LRP1B: variants seen among roughly 807,000 people sequenced by gnomAD.
LRP1B encodes the protein LDL receptor related protein 1B.
LRP1B carries 217 observed loss-of-function variants against 556.6 expected under a neutral mutation model. That is an observed-to-expected ratio of 0.39 (90% CI 0.35 to 0.44). The LOEUF (loss-of-function observed/expected upper bound fraction) is 0.44, where lower values mean the gene tolerates loss of function less well. Among genes scored for constraint, LRP1B ranks in the 20% least tolerant of loss-of-function variants. The pLI, the probability that LRP1B is intolerant of heterozygous loss-of-function variation, is 1.00. For synonymous variants in LRP1B, 2,047 were observed against 1,865.8 expected, an observed-to-expected ratio of 1.10 and a Z score of -2.50; for missense variants, 5,053 against 5,620.8, an observed-to-expected ratio of 0.90 and a Z score of 3.23.
At chr2:140,615,220 C>T (rs1683215308) in intron 41 of LRP1B, among the ~76,000 whole-genome samples, 1 of 152,020 alleles carries the variant, frequency 6.6e-6, no homozygotes, top group Non-Finnish European at 1.5e-5. Context: ...GTAACCCATA[C>T]CAAGAAACAA....
At chr2:140,536,311 T>TA (rs70988404) in intron 46 of LRP1B, among the ~76,000 whole-genome samples, 5,750 of 61,554 alleles carry the variant, frequency 0.093, 536 homozygotes, top group Non-Finnish European at 0.11. Context: ...CCCGTCTCTT[T>TA]AAAAAAAAAA....
intron 1 of LRP1B, among the ~76,000 whole-genome samples, chr2:141,990,513 GT>G (rs762267603): frequency 6.6e-6 from 1 of 151,836 alleles, no homozygotes; most frequent in African/African-American, 2.4e-5. Context: ...GAATTGACAA[GT>G]TTTTTTACAA....
intron 44 of LRP1B, 43 bp from the exon 45 acceptor site, chr2:140,541,141 C>T (rs762006850): frequency 6.6e-7 from 1 of 1,508,272 alleles, no homozygotes; most frequent in Middle Eastern, 1.7e-4. Context: ...ATATCGAATT[C>T]CTGTTCTATG....
chr2:141,752,945 GAA>G (rs70994450), intron 2 of LRP1B, among the ~76,000 whole-genome samples: 4 of 28,210 alleles, frequency 1.4e-4, no homozygotes, highest in South Asian at 3.6e-3. Context: ...CCCTGTCTCA[GAA>G]AAAAAAAAAA....
chr2:140,260,035 T>C (rs1681863435), intron 86 of LRP1B, among the ~76,000 whole-genome samples: 1 of 151,852 alleles, frequency 6.6e-6, no homozygotes, highest in Non-Finnish European at 1.5e-5. Context: ...AATAAATAAA[T>C]AAAAGATGCA....
chr2:141,304,814 T>C (rs1210273164), intron 3 of LRP1B, among the ~76,000 whole-genome samples: 2 of 152,108 alleles, frequency 1.3e-5, no homozygotes, highest in East Asian at 1.9e-4. Flanking sequence ...TTTCATTCTT[T>C]TGAATATGAA....
intron 2 of LRP1B, among the ~76,000 whole-genome samples, chr2:141,511,718 C>A (rs1684138504): frequency 6.6e-6 from 1 of 152,090 alleles, no homozygotes; most frequent in Non-Finnish European, 1.5e-5. Context: ...TGTGGCCTAA[C>A]AATATTTTTG....
At chr2:140,291,588 G>T (rs1018883025) in intron 84 of LRP1B, among the ~76,000 whole-genome samples, 19 of 151,618 alleles carry the variant, frequency 1.3e-4, no homozygotes, top group Admixed American at 4.6e-4. Context: ...GCGATAGTTT[G>T]CTGAGAATGA....
At chr2:140,690,121 C>G (rs1233677178) in intron 41 of LRP1B, among the ~76,000 whole-genome samples, 1 of 151,922 alleles carries the variant, frequency 6.6e-6, no homozygotes, top group Non-Finnish European at 1.5e-5. Context: ...AGGTGTCCCC[C>G]TCTCTCAGAC....
chr2:141,370,599 T>C (rs897092504), intron 3 of LRP1B, among the ~76,000 whole-genome samples: 3 of 152,220 alleles, frequency 2.0e-5, no homozygotes, highest in Non-Finnish European at 1.5e-5. Flanking sequence ...TTCTGCAAGT[T>C]GTTGTTTCAC....
intron 11 of LRP1B, among the ~76,000 whole-genome samples, chr2:141,036,850 A>G (rs1239461755): frequency 6.6e-6 from 1 of 151,618 alleles, no homozygotes; most frequent in Non-Finnish European, 1.5e-5. Context: ...AAAATTGTAT[A>G]TTGATATTAA....
chr2:141,231,694 G>T (rs1387988368), intron 5 of LRP1B, among the ~76,000 whole-genome samples: 1 of 145,356 alleles, frequency 6.9e-6, no homozygotes, highest in Non-Finnish European at 1.5e-5. Flanking sequence ...GTGTGCACCT[G>T]CCATACAAGG....
At chr2:140,308,322 T>C (rs142255773) in intron 83 of LRP1B, among the ~76,000 whole-genome samples, 162 of 151,712 alleles carry the variant, frequency 1.1e-3, no homozygotes, top group African/African-American at 3.1e-3. Flanking sequence ...TATTGGACAG[T>C]TATGTTATGA....
Position 141,512,098 on chromosome 2 carries a change from T to A in LRP1B, c.206-31565A>T, listed in dbSNP as rs74961599. Among the ~76,000 whole-genome samples, 380 of 152,280 alleles carry A rather than the reference T, an allele frequency of 2.5e-3. 1 individual carries two copies. Among genetic ancestry groups the A allele is most frequent in the African/African-American group, 8.8e-3 (365 of 41,562 alleles). Reference sequence around the variant, plus strand: ...ACTACAGAAGAGTACATTAATTTACTCCATACGGAATGGATATTTTCATCA... The same window carrying A: ...ACTACAGAAGAGTACATTAATTTACACCATACGGAATGGATATTTTCATCA... On this transcript the variant is annotated intron_variant, in intron 2 of 90. Coordinates refer to ENST00000389484, the MANE Select transcript of LRP1B (RefSeq NM_018557.3).
In LRP1B at chr2:140,333,206, G is replaced by C. The variant is rs532205508; in HGVS notation, c.12223+1247C>G. On this transcript the variant is annotated intron_variant, in intron 79 of 90. Coordinates refer to ENST00000389484, the MANE Select transcript of LRP1B (RefSeq NM_018557.3). The stretch of plus-strand genomic sequence containing the variant: ...TCACTTCACTTGCTGCCTCTCTTTA[G>C]TCAGGTCTCTCTTTCAATATCCCCC... Among the ~76,000 whole-genome samples, 6 of 152,062 alleles carry C rather than the reference G, an allele frequency of 3.9e-5. No individual in the cohort carries two copies. In the South Asian group the frequency reaches 1.2e-3, roughly 32 times the overall value.
intron 3 of LRP1B, among the ~76,000 whole-genome samples, chr2:141,414,790 C>CGTT (rs1196086903): frequency 6.6e-6 from 1 of 152,160 alleles, no homozygotes; most frequent in Non-Finnish European, 1.5e-5. Flanking sequence ...GTCTTCTTGT[C>CGTT]GTTGTTGTAG....
chr2:140,902,498 T>A (rs1318519656), intron 23 of LRP1B, among the ~76,000 whole-genome samples: 1 of 151,946 alleles, frequency 6.6e-6, no homozygotes, highest in Non-Finnish European at 1.5e-5. Context: ...ACCTAGAGAA[T>A]CCGCAGAATG....
intron 1 of LRP1B, among the ~76,000 whole-genome samples, chr2:141,906,367 A>G (rs544647316): frequency 2.0e-5 from 3 of 152,126 alleles, no homozygotes; most frequent in Admixed American, 2.0e-4. Context: ...GCAATTCACC[A>G]TACTGGATTA....
chr2:140,744,135 T>C (rs1688240384), intron 35 of LRP1B, among the ~76,000 whole-genome samples: 2 of 152,036 alleles, frequency 1.3e-5, no homozygotes, highest in African/African-American at 2.4e-5. Context: ...TGAATGGTGA[T>C]AGATGTATTA....
Sources: allele counts gnomAD v4.1 joint callset (sites outside exome capture counted in the v4.1 genomes callset), GRCh38; gene constraint gnomAD v4.1.1; transcripts MANE v1.5; gene names NCBI Gene and HGNC (gene_info 2026-07-23, HGNC 2026-07-21).